DUOX1: variants seen among roughly 807,000 people sequenced by gnomAD.
The protein encoded by DUOX1 is NADPH thyroid oxidase 1.
Under a neutral mutation model 181.8 loss-of-function variants are expected in DUOX1, and 134 were observed. The ratio of observed to expected loss-of-function variants is 0.74; its 90% CI spans 0.64 to 0.85. DUOX1 has a LOEUF of 0.85. Among genes scored for constraint, DUOX1 ranks in the 40% least tolerant of loss-of-function variants. DUOX1 has a pLI of 0.00. For synonymous variants in DUOX1, 798 were observed against 832.5 expected (o/e 0.96, Z 0.71); for missense variants, 1,814 against 2,064.4 (o/e 0.88, Z 2.35).
chr15:45,135,150 C>T lies in DUOX1; in HGVS notation c.354C>T (p.Cys118=), dbSNP rs1265048254. 1 of 1,613,824 alleles carries T rather than the reference C, an allele frequency of 6.2e-7. No individual in the cohort carries two copies. The highest frequency in any genetic ancestry group is 8.5e-7 in the Non-Finnish European group (1 of 1,179,930). Residue 118 remains cysteine, a synonymous_variant, in exon 5 of 34, where the codon TGC becomes TGT. Transcript: ENST00000389037. ...SDLVSVETPG[C]PAEFLNIRIP... is the part of the protein sequence containing the mutation. ...TGGTGAGCGTGGAAACTCCCGGCTG[C>T]CCCGCCGAGTTCCTCAACATTCGCA...
intron 20 of DUOX1, 115 bp downstream of exon 20, chr15:45,148,112 T>G: frequency 7.7e-6 from 11 of 1,426,212 alleles, no homozygotes; most frequent in African/African-American, 1.4e-5. Context: ...TCCTTACCCA[T>G]GTAACCAGAG....
chr15:45,154,455 A>G (rs2141293919), intron 27 of DUOX1, among the ~76,000 whole-genome samples: 1 of 152,214 alleles, frequency 6.6e-6, no homozygotes, highest in East Asian at 1.9e-4. Flanking sequence ...GGATATTCCT[A>G]ACTCCCTATA....
intron 27 of DUOX1, 113 bp from the exon 28 acceptor site, chr15:45,155,689 G>A (rs1798316332): frequency 6.8e-7 from 1 of 1,466,454 alleles, no homozygotes; most frequent in South Asian, 1.2e-5. Flanking sequence ...AGAATGCTGG[G>A]ACATTCTTAC....
At chr15:45,143,936 G>A (rs1272888984) in intron 16 of DUOX1, 100 bp from the exon 17 acceptor site, 22 of 1,161,306 alleles carry the variant, frequency 1.9e-5, no homozygotes, top group Non-Finnish European at 2.3e-5. Flanking sequence ...ACAATGAACT[G>A]TGGAGGCCTT....
At chr15:45,140,142 G>A (rs1896453385) in intron 12 of DUOX1, 2 of 942,674 alleles carry the variant, frequency 2.1e-6, no homozygotes, top group South Asian at 2.5e-5. Flanking sequence ...GTCCTGTTCA[G>A]CTGCTAGCCA....
At chr15:45,159,324 G>A (rs141582160) in intron 28 of DUOX1, among the ~76,000 whole-genome samples, 1 of 152,376 alleles carries the variant, frequency 6.6e-6, no homozygotes, top group African/African-American at 2.4e-5. Flanking sequence ...GACTGGGGGT[G>A]GCAGAAGGAA....
At chr15:45,146,774 T>C (rs1177274217) in intron 18 of DUOX1, among the ~76,000 whole-genome samples, 1 of 152,154 alleles carries the variant, frequency 6.6e-6, no homozygotes, top group African/African-American at 2.4e-5. Context: ...GGCACCTCAC[T>C]TGACAGGCAG....
chr15:45,155,824 C>T lies in DUOX1; in HGVS notation c.3597C>T (p.Leu1199=). ...TVPGLTGVVL[L]LILAIMYVFA... Reference sequence around the variant, plus strand: ...CAGGCCTCACGGGGGTTGTGCTGCTCCTGATCCTGGCCATCATGTATGTCT... The same window carrying T: ...CAGGCCTCACGGGGGTTGTGCTGCTTCTGATCCTGGCCATCATGTATGTCT... The change falls in exon 28 of 34, where the codon CTC becomes CTT. Residue 1199 remains leucine, a synonymous_variant. Transcript: ENST00000389037. 1 of 1,613,952 alleles carries T rather than the reference C, an allele frequency of 6.2e-7. No homozygotes were observed. The highest frequency in any genetic ancestry group is 8.5e-7 in the Non-Finnish European group (1 of 1,180,022).
intron 12 of DUOX1, 39 bp from the exon 13 acceptor site, chr15:45,140,856 C>T (rs750372890): frequency 1.7e-5 from 27 of 1,605,508 alleles, no homozygotes; most frequent in Middle Eastern, 1.7e-4. Context: ...GGGTGGGTGC[C>T]GTGTCCTTTC....
chr15:45,151,315 C>G lies in DUOX1; in HGVS notation c.3014+67C>G, dbSNP rs1595589019. The G allele has an allele frequency of 7.6e-6, 12 of 1,578,652 alleles. No homozygotes were observed. In the East Asian group the frequency reaches 2.7e-4, roughly 35 times the overall value. On this transcript the variant is annotated intron_variant, in intron 23 of 33. Coordinates refer to ENST00000389037, the MANE Select transcript of DUOX1 (RefSeq NM_175940.3). Reference sequence around the variant, plus strand: ...TCCTTCAGCTTATAAACATCTTTTCCTTGGTGCCAGGCACTGTGCTAAACA... The same window carrying G: ...TCCTTCAGCTTATAAACATCTTTTCGTTGGTGCCAGGCACTGTGCTAAACA...
Position 45,155,824 on chromosome 15 carries a change from C to G in DUOX1, c.3597C>G (p.Leu1199=). 6.2e-7 allele frequency: 1 copy of G among 1,613,952 alleles called. No homozygotes were observed. Among genetic ancestry groups the G allele is most frequent in the South Asian group, 1.1e-5 (1 of 91,066 alleles). ...CAGGCCTCACGGGGGTTGTGCTGCT[C>G]CTGATCCTGGCCATCATGTATGTCT... ...TVPGLTGVVL[L]LILAIMYVFA... Residue 1199 remains leucine, a synonymous_variant, in exon 28 of 34, where the codon CTC becomes CTG. Coordinates refer to ENST00000389037, the MANE Select transcript of DUOX1 (RefSeq NM_175940.3).
Position 45,161,883 on chromosome 15 carries a change from G to T in DUOX1, c.4002G>T (p.Leu1334=). The change falls in exon 30 of 34, where the codon CTG becomes CTT. Residue 1334 remains leucine, a synonymous_variant. Transcript: ENST00000389037. ...TSAPHEDTLS[L]HIRAAGPWTT... is the part of the protein sequence containing the mutation. ...CGCCCCATGAGGACACGCTTAGCCT[G>T]CACATCCGGGCAGCAGGGCCCTGGA... 1 of 1,613,850 alleles carries T rather than the reference G, an allele frequency of 6.2e-7. No individual in the cohort carries two copies. Among genetic ancestry groups the T allele is most frequent in the Non-Finnish European group, 8.5e-7 (1 of 1,179,972 alleles).
intron 28 of DUOX1, among the ~76,000 whole-genome samples, chr15:45,158,073 C>A (rs548595960): frequency 4.7e-4 from 72 of 152,274 alleles, no homozygotes; most frequent in South Asian, 1.9e-3. Flanking sequence ...GCAGGGCTAG[C>A]ACATCAGAGG....
Position 45,160,963 on chromosome 15 carries a change from G to A in DUOX1, c.3829G>A (p.Val1277Met), listed in dbSNP as rs550338901. Residue 1277 changes from valine to methionine, a missense_variant, in exon 29 of 34, where the codon GTG (valine) becomes ATG (methionine). This residue lies in a region of DUOX1 where 279 missense variants were observed against 381.9 expected (regional missense o/e 0.73). Coordinates refer to ENST00000389037, the MANE Select transcript of DUOX1 (RefSeq NM_175940.3). ...SLSRKKVEIS[V>M]VKAELLPSGV... ...GAGCCGGAAGAAGGTGGAGATCAGC[G>A]TGGTGAAGGCGGAGCTGCTGCCCTC... 188 of 1,614,190 alleles carry A rather than the reference G, an allele frequency of 1.2e-4. No homozygotes were observed. Among genetic ancestry groups the A allele is most frequent in the Middle Eastern group, 1.6e-4 (1 of 6,062 alleles).
intron 18 of DUOX1, among the ~76,000 whole-genome samples, chr15:45,147,120 C>CTT (rs1896673974): frequency 6.6e-6 from 1 of 152,230 alleles, no homozygotes; most frequent in South Asian, 2.1e-4. Flanking sequence ...CCTAGGCTGC[C>CTT]TTTGCCTTAC....
rs1427033705 is a variant in DUOX1 at position 45,164,911 on chromosome 15, C to CG, written c.*15dup. ...TTATGAGAACTTCTAGGCCCCTGCC[C>CG]GGGGGTTCTGCCCACTGCCCAGTTG... On this transcript the variant is annotated 3_prime_UTR_variant, in exon 34 of 34. Coordinates refer to ENST00000389037, the MANE Select transcript of DUOX1 (RefSeq NM_175940.3). The CG allele has an allele frequency of 5.0e-6, 8 of 1,613,666 alleles. No individual in the cohort carries two copies. Among genetic ancestry groups the CG allele is most frequent in the African/African-American group, 1.3e-5 (1 of 74,888 alleles).
Position 45,144,971 on chromosome 15 carries a change from T to C in DUOX1, c.2213T>C (p.Leu738Ser). The change falls in exon 18 of 34, where the codon TTG (leucine) becomes TCG (serine). Residue 738 changes from leucine to serine, a missense_variant. This residue lies in a region of DUOX1 where 1,064 missense variants were observed against 1,152.9 expected (regional missense o/e 0.92). Coordinates refer to ENST00000389037, the MANE Select transcript of DUOX1 (RefSeq NM_175940.3). ...CGGGGAGCTCTGAAGGAGAGCGGGTTGAGCATCCAGGAGTGGGAGCTGCGG... is the reference window on the plus strand; with the variant it reads ...CGGGGAGCTCTGAAGGAGAGCGGGTCGAGCATCCAGGAGTGGGAGCTGCGG... ...NLRGALKESG[L>S]SIQEWELREQ... 6.2e-7 allele frequency: 1 copy of C among 1,613,904 alleles called. No individual in the cohort carries two copies. The highest frequency in any genetic ancestry group is 8.5e-7 in the Non-Finnish European group (1 of 1,179,940).
chr15:45,157,469 G>A (rs1595594674), intron 28 of DUOX1, among the ~76,000 whole-genome samples: 1 of 152,168 alleles, frequency 6.6e-6, no homozygotes, highest in East Asian at 1.9e-4. Context: ...TTTGTCCTGG[G>A]GTGTAGGCAT....
At chr15:45,146,989 G>A (rs2141276727) in intron 18 of DUOX1, among the ~76,000 whole-genome samples, 1 of 152,294 alleles carries the variant, frequency 6.6e-6, no homozygotes, top group Non-Finnish European at 1.5e-5. Flanking sequence ...AGCTAGCATT[G>A]ACAAAGGGTC....
Sources: allele counts gnomAD v4.1 joint callset (sites outside exome capture counted in the v4.1 genomes callset), GRCh38; gene constraint gnomAD v4.1.1; regional missense constraint gnomAD v4.1.1; transcripts MANE v1.5; gene names NCBI Gene and HGNC (gene_info 2026-07-23, HGNC 2026-07-21).